Variants in ACTG1 observed in about 807,000 individuals in gnomAD.
ACTG1 encodes the protein actin gamma 1.
A neutral mutation model predicts 34.3 loss-of-function variants in ACTG1; 14 were observed. The observed-to-expected ratio is 0.41, with a 90% CI of 0.27 to 0.64. ACTG1 has a LOEUF of 0.64. Ranked by LOEUF, ACTG1 falls within the 30% of genes least tolerant of loss-of-function variation. The pLI, the probability that ACTG1 is intolerant of heterozygous loss-of-function variation, is 0.33. For missense variants in ACTG1, 233 were observed against 529.5 expected (o/e 0.44, Z 5.50); for synonymous variants, 422 against 213.9 (o/e 1.97, Z -8.49).
At position 81,511,392 on chromosome 17, in the gene ACTG1, A is replaced by G; in HGVS notation, c.598T>C (p.Phe200Leu). 3 of 1,613,918 alleles carry G rather than the reference A, an allele frequency of 1.9e-6. No homozygotes were observed. The highest frequency in any genetic ancestry group is 2.5e-6 in the Non-Finnish European group (3 of 1,180,030). The change falls in exon 4 of 6, where the codon TTC becomes CTC. Residue 200 changes from phenylalanine (F) to leucine (L), a missense_variant. Phe to Leu is a conservative substitution (Grantham distance 22). Coordinates refer to ENST00000573283, the MANE Select transcript of ACTG1 (RefSeq NM_001614.5). The part of the protein sequence containing the change: ...MKILTERGYS[F>L]TTTAEREIVR... ...ATTTCCCGCTCGGCCGTGGTGGTGA[A>G]GCTGTAGCCTCGCTCAGTGAGGATC...
chr17:81,512,580 C>T, intron 1 of ACTG1, 154 bp downstream of exon 1: 3 of 718,688 alleles, frequency 4.2e-6, no homozygotes, highest in East Asian at 2.9e-5. Context: ...GGACCCCCGG[C>T]GCCCCCCCAG....
Position 81,511,912 on chromosome 17 carries a change from C to T in ACTG1, c.354G>A (p.Lys118=), listed in dbSNP as rs267606630. 4 of 1,614,154 alleles carry T rather than the reference C, an allele frequency of 2.5e-6. No individual in the cohort carries two copies. Among genetic ancestry groups the T allele is most frequent in the Non-Finnish European group, 3.4e-6 (4 of 1,180,030 alleles). Residue 118 remains lysine, a synonymous_variant, in exon 3 of 6, where the codon AAG becomes AAA. Coordinates refer to ENST00000573283, the MANE Select transcript of ACTG1 (RefSeq NM_001614.5). ...GTCGGCCGAGCCTCACCTGAGTCAT[C>T]TTCTCTCTGTTGGCCTTGGGGTTCA... ...APLNPKANRE[K]MTQIMFETFN... is the part of the protein sequence containing the mutation.
rs782435628 is a variant in ACTG1, at chr17:81,511,638, C to A, written c.364-12G>T. ...GTCTCAAACATAATCTGAGAAGGGACAAGGGGCGGCTTAGTCAGGGACAGA... is the reference window on the plus strand; with the variant it reads ...GTCTCAAACATAATCTGAGAAGGGAAAAGGGGCGGCTTAGTCAGGGACAGA... On this transcript the variant is annotated splice_polypyrimidine_tract_variant and intron_variant, in intron 3 of 5. Transcript: ENST00000573283. 1.2e-6 allele frequency: 2 copies of A among 1,611,438 alleles called. No individual in the cohort carries two copies. Among genetic ancestry groups the A allele is most frequent in the African/African-American group, 2.7e-5 (2 of 75,034 alleles).
Position 81,510,489 on chromosome 17 carries a change from A to G in ACTG1, c.*201T>C. The G allele has an allele frequency of 5.4e-6, 4 of 743,806 alleles. No homozygotes were observed. Among genetic ancestry groups the G allele is most frequent in the Non-Finnish European group, 9.5e-6 (4 of 422,976 alleles). 46.1% of individuals were successfully genotyped at this position (743,806 alleles called of 1,614,324 possible). A position where few individuals can be genotyped will look rare whatever the true frequency, so the allele number is the denominator to read the frequency against. On this transcript the variant is annotated 3_prime_UTR_variant, in exon 6 of 6. Coordinates refer to ENST00000573283, the MANE Select transcript of ACTG1 (RefSeq NM_001614.5). ...GTATTAAACAAATACCAAGGGGAACAGTTAACTTCAATACAAGGTCAAAAT... is the reference window on the plus strand; with the variant it reads ...GTATTAAACAAATACCAAGGGGAACGGTTAACTTCAATACAAGGTCAAAAT...
chr17:81,512,694 C>A, intron 1 of ACTG1, 40 bp downstream of exon 1: 1 of 406,808 alleles, frequency 2.5e-6, no homozygotes, highest in South Asian at 1.9e-5. Context: ...GGGGCGCAGG[C>A]CTGCGACGTC....
At chr17:81,510,861 G>A (rs782255998) in intron 5 of ACTG1, 28 bp from the exon 6 acceptor site, 11 of 1,600,286 alleles carry the variant, frequency 6.9e-6, no homozygotes, top group South Asian at 2.2e-5. Context: ...CACGGCTTCA[G>A]CTCACAGAGC....
chr17:81,511,695 A>T, intron 3 of ACTG1, 69 bp from the exon 4 acceptor site: 2 of 1,549,514 alleles, frequency 1.3e-6, no homozygotes, highest in South Asian at 2.3e-5. Context: ...CACACGCCAC[A>T]ACATGCTGCA....
chr17:81,510,786 G>A lies in ACTG1; in HGVS notation c.1032C>T (p.Ser344=). The change falls in exon 6 of 6, where the codon TCC becomes TCT. Residue 344 remains serine, a synonymous_variant. Coordinates refer to ENST00000573283, the MANE Select transcript of ACTG1 (RefSeq NM_001614.5). ...ERKYSVWIGG[S]ILASLSTFQQ... The stretch of plus-strand genomic sequence containing the variant: ...GGAAGGTGGACAGTGAGGCCAGGAT[G>A]GAGCCACCGATCCACACCGAGTACT... The A allele has an allele frequency of 6.2e-7, 1 of 1,613,700 alleles. No individual in the cohort carries two copies. Among genetic ancestry groups the A allele is most frequent in the Non-Finnish European group, 8.5e-7 (1 of 1,179,948 alleles).
chr17:81,512,702 G>GT (rs1440561670), intron 1 of ACTG1, 32 bp downstream of exon 1: 2 of 406,340 alleles, frequency 4.9e-6, no homozygotes, highest in Admixed American at 7.0e-5. Context: ...GGCCTGCGAC[G>GT]TCCAGCTCAG....
In ACTG1 at chr17:81,510,657, A is replaced by C. The variant is rs1555666317; in HGVS notation, c.*33T>G. 6.2e-7 allele frequency: 1 copy of C among 1,613,178 alleles called. No homozygotes were observed. Among genetic ancestry groups the C allele is most frequent in the Admixed American group, 1.7e-5 (1 of 60,014 alleles). Reference sequence around the variant, plus strand: ...GCAAATTTCTATTCTCAATTAACCCATGCAGCAAATGCTACGCATCTGCTG... The same window carrying C: ...GCAAATTTCTATTCTCAATTAACCCCTGCAGCAAATGCTACGCATCTGCTG... On this transcript the variant is annotated 3_prime_UTR_variant, in exon 6 of 6. Coordinates refer to ENST00000573283, the MANE Select transcript of ACTG1 (RefSeq NM_001614.5).
rs1555666535 is a variant in ACTG1, at chr17:81,511,107, A to T, written c.804T>A (p.Gly268=). The T allele has an allele frequency of 6.2e-7, 1 of 1,613,894 alleles. No individual in the cohort carries two copies. The highest frequency in any genetic ancestry group is 8.5e-7 in the Non-Finnish European group (1 of 1,180,016). Residue 268 remains glycine (G), a splice_region_variant and synonymous_variant, in exon 5 of 6, where the codon GGT becomes GGA. Coordinates refer to ENST00000573283, the MANE Select transcript of ACTG1 (RefSeq NM_001614.5). ...TCTCGTGGATGCCGCAAGATTCCAT[A>T]CCTAGGGGACAGAGCCCTCCCTTAG... ...PEALFQPSFL[G]MESCGIHETT... is the part of the protein sequence containing the mutation.
chr17:81,510,848 A>AGGCAC lies in ACTG1; in HGVS notation c.985-20_985-16dup. On this transcript the variant is annotated splice_polypyrimidine_tract_variant and intron_variant, in intron 5 of 5. Coordinates refer to ENST00000573283, the MANE Select transcript of ACTG1 (RefSeq NM_001614.5). ...GGTGCGATGATCTGCAAAGACAGCCAGGCACGGCTTCAGCTCACAGAGCGC... is the reference window on the plus strand; with the variant it reads ...GGTGCGATGATCTGCAAAGACAGCCAGGCACGGCACGGCTTCAGCTCACAGAGCGC... 6.2e-7 allele frequency: 1 copy of AGGCAC among 1,611,172 alleles called. No homozygotes were observed.
intron 1 of ACTG1, 155 bp from the exon 2 acceptor site, chr17:81,512,515 C>T (rs1430257743): frequency 2.0e-5 from 25 of 1,265,480 alleles, no homozygotes; most frequent in Non-Finnish European, 2.6e-5. Context: ...GAAGGCCGGG[C>T]CTTTTACGTA....
At position 81,510,057 on chromosome 17, in the gene ACTG1, TTTG is replaced by T. The variant is rs1169843115; in HGVS notation, c.*630_*632del. The T allele has an allele frequency of 2.4e-5, 11 of 452,074 alleles. No individual in the cohort carries two copies. The highest frequency in any genetic ancestry group is 1.2e-4 in the African/African-American group (6 of 49,678). 28.0% of individuals were successfully genotyped at this position (452,074 alleles called of 1,614,324 possible). A position where few individuals can be genotyped will look rare whatever the true frequency, so the allele number is the denominator to read the frequency against. On this transcript the variant is annotated 3_prime_UTR_variant, in exon 6 of 6. Coordinates refer to ENST00000573283, the MANE Select transcript of ACTG1 (RefSeq NM_001614.5). ...CTCACATAACAGTAGAAAACCAAAA[TTTG>T]TTGTCATCTCTTCAAAGAATCGAGA...
At chr17:81,511,818 G>A (rs143884334) in intron 3 of ACTG1, 85 bp downstream of exon 3, 86 of 1,602,496 alleles carry the variant, frequency 5.4e-5, no homozygotes, top group Non-Finnish European at 6.6e-5. Flanking sequence ...AACAGCGAAA[G>A]AAACACTTAA....
Position 81,512,743 on chromosome 17 carries a change from A to C in ACTG1, c.-16T>G. The C allele has an allele frequency of 2.4e-6, 1 of 412,380 alleles. No homozygotes were observed. The highest frequency in any genetic ancestry group is 1.0e-4 in the East Asian group (1 of 9,874). The allele number at this position is 412,380 out of a possible 1,614,324, so 25.5% of individuals were successfully genotyped here. The stretch of plus-strand genomic sequence containing the variant: ...GGGGCGGGGCGCTCACCGGCAGAGA[A>C]ACGCGACGGCGGAGCGGCGGAAGAA... On this transcript the variant is annotated 5_prime_UTR_variant, in exon 1 of 6. Transcript: ENST00000573283.
At chr17:81,512,473 C>G in intron 1 of ACTG1, 113 bp from the exon 2 acceptor site, 1 of 1,575,278 alleles carries the variant, frequency 6.3e-7, no homozygotes, top group Non-Finnish European at 8.7e-7. Flanking sequence ...CCCCAGCGGC[C>G]GTGGCCTCCA....
At position 81,510,082 on chromosome 17, in the gene ACTG1, G is replaced by C. The variant is rs183520259; in HGVS notation, c.*608C>G. The C allele has an allele frequency of 2.2e-6, 1 of 457,400 alleles. No homozygotes were observed. Among genetic ancestry groups the C allele is most frequent in the East Asian group, 6.9e-5 (1 of 14,408 alleles). 28.3% of individuals were successfully genotyped at this position (457,400 alleles called of 1,614,324 possible). The stretch of plus-strand genomic sequence containing the variant: ...TTTGTTGTCATCTCTTCAAAGAATC[G>C]AGAATTGCGTACAAAAAAAACCTTA... On this transcript the variant is annotated 3_prime_UTR_variant, in exon 6 of 6. Coordinates refer to ENST00000573283, the MANE Select transcript of ACTG1 (RefSeq NM_001614.5).
At position 81,512,092 on chromosome 17, in the gene ACTG1, G is replaced by A. The variant is rs782205858; in HGVS notation, c.174C>T (p.Ala58=). 15 of 1,613,758 alleles carry A rather than the reference G, an allele frequency of 9.3e-6. No homozygotes were observed. The highest frequency in any genetic ancestry group is 2.2e-5 in the East Asian group (1 of 44,888). Residue 58 remains alanine, a synonymous_variant, in exon 3 of 6, where the codon GCC becomes GCT. Transcript: ENST00000573283. ...GGGTCAGGATGCCACGCTTGCTCTG[G>A]GCCTCGTCGCCCACGTAGGAGTCCT... ...GQKDSYVGDE[A]QSKRGILTLK... is the part of the protein sequence containing the mutation.
Sources: allele counts gnomAD v4.1 joint callset, GRCh38; gene constraint gnomAD v4.1.1; transcripts MANE v1.5; gene names NCBI Gene and HGNC (gene_info 2026-07-23, HGNC 2026-07-21).